Variants in MIR2052HG observed in about 807,000 individuals in gnomAD.
MIR2052HG encodes MIR2052 host gene.
intron 2 of MIR2052HG, among the ~76,000 whole-genome samples, chr8:74,636,809 A>AT (rs1424677041): frequency 6.6e-6 from 1 of 151,936 alleles, no homozygotes; most frequent in Non-Finnish European, 1.5e-5. Flanking sequence ...ATGTGTTAAC[A>AT]TGCTAGATAC....
intron 3 of MIR2052HG, chr8:74,703,598 T>C (rs1291543723): frequency 2.2e-6 from 1 of 450,120 alleles, no homozygotes; most frequent in South Asian, 1.6e-5. Context: ...TCTGCTATTG[T>C]TTTTCAGGTT....
chr8:74,656,202 T>C (rs971125235), intron 2 of MIR2052HG, among the ~76,000 whole-genome samples: 3 of 152,156 alleles, frequency 2.0e-5, no homozygotes, highest in Non-Finnish European at 2.9e-5. Flanking sequence ...GATGAGACTT[T>C]GGACTGTGGA....
At chr8:74,709,864 T>C (rs1269735893) in intron 4 of MIR2052HG, among the ~76,000 whole-genome samples, 1 of 152,180 alleles carries the variant, frequency 6.6e-6, no homozygotes, top group African/African-American at 2.4e-5. Flanking sequence ...GAACTTGTAT[T>C]TTTGTATGGA....
At chr8:74,738,129 G>GTATCTATCTATC (rs755697676) in intron 4 of MIR2052HG, among the ~76,000 whole-genome samples, 156 of 81,918 alleles carry the variant, frequency 1.9e-3, no homozygotes, top group African/African-American at 4.6e-3. Flanking sequence ...ATGTATGTAT[G>GTATCTATCTATC]TATGTATCTA....
chr8:74,680,386 T>A (rs1353820277), intron 2 of MIR2052HG, among the ~76,000 whole-genome samples: 1 of 151,652 alleles, frequency 6.6e-6, no homozygotes, highest in Non-Finnish European at 1.5e-5. Flanking sequence ...AACAACCCCA[T>A]CAAAAAGTGG....
chr8:74,606,198 G>A (rs1808109157), intron 1 of MIR2052HG, among the ~76,000 whole-genome samples: 1 of 152,204 alleles, frequency 6.6e-6, no homozygotes. Context: ...GAATTCCTGG[G>A]AACTGTGGAT....
chr8:74,636,260 G>T (rs1218560283), intron 2 of MIR2052HG, among the ~76,000 whole-genome samples: 1 of 152,134 alleles, frequency 6.6e-6, no homozygotes, highest in East Asian at 1.9e-4. Flanking sequence ...CTTGTTCCAA[G>T]TCCTGCTGGG....
chr8:74,668,552 CTACT>C (rs1808957015), intron 2 of MIR2052HG, among the ~76,000 whole-genome samples: 1 of 152,180 alleles, frequency 6.6e-6, no homozygotes, highest in Non-Finnish European at 1.5e-5. Flanking sequence ...TTTTCTATCC[CTACT>C]TTCTAAAGAT....
chr8:74,606,680 C>T (rs983449825), intron 1 of MIR2052HG, among the ~76,000 whole-genome samples: 8 of 151,998 alleles, frequency 5.3e-5, no homozygotes, highest in Admixed American at 1.3e-4. Context: ...GGGGCCTACC[C>T]GAGTGTAGAG....
chr8:74,708,744 A>C (rs1809435405), intron 4 of MIR2052HG, among the ~76,000 whole-genome samples: 1 of 151,718 alleles, frequency 6.6e-6, no homozygotes, highest in Non-Finnish European at 1.5e-5. Context: ...TGTAAAATAA[A>C]ATTTTAAAAT....
intron 4 of MIR2052HG, among the ~76,000 whole-genome samples, chr8:74,751,337 GTGTTTCT>G (rs1169320289): frequency 6.6e-6 from 1 of 152,160 alleles, no homozygotes; most frequent in Non-Finnish European, 1.5e-5. Flanking sequence ...ATGCTGCCTA[GTGTTTCT>G]TAACATGAGA....
intron 4 of MIR2052HG, among the ~76,000 whole-genome samples, chr8:74,710,739 C>T (rs1809459081): frequency 6.6e-6 from 1 of 152,078 alleles, no homozygotes; most frequent in African/African-American, 2.4e-5. Flanking sequence ...CATACAAAGT[C>T]CTGGGAGATG....
chr8:74,673,092 A>G (rs7016490), intron 2 of MIR2052HG, among the ~76,000 whole-genome samples: 36,846 of 151,998 alleles, frequency 0.24, 5,497 homozygotes, highest in East Asian at 0.65. Context: ...CAAAAAGAAA[A>G]AAAACATAGC....
At chr8:74,709,250 A>G (rs1002108012) in intron 4 of MIR2052HG, among the ~76,000 whole-genome samples, 1 of 152,140 alleles carries the variant, frequency 6.6e-6, no homozygotes, top group Non-Finnish European at 1.5e-5. Context: ...AGGCATTAGG[A>G]TGTGGCATAA....
intron 2 of MIR2052HG, among the ~76,000 whole-genome samples, chr8:74,674,514 T>G (rs899909156): frequency 3.3e-5 from 5 of 151,962 alleles, no homozygotes; most frequent in Non-Finnish European, 7.4e-5. Context: ...TACTAACAAG[T>G]TGGATCCTAA....
intron 1 of MIR2052HG, among the ~76,000 whole-genome samples, chr8:74,612,125 G>A (rs1233893432): frequency 2.0e-5 from 3 of 152,210 alleles, no homozygotes; most frequent in Non-Finnish European, 4.4e-5. Flanking sequence ...TTGGGCAAAA[G>A]TGCTGAAGGA....
chr8:74,731,108 AT>A, intron 4 of MIR2052HG, among the ~76,000 whole-genome samples: 1 of 152,310 alleles, frequency 6.6e-6, no homozygotes, highest in East Asian at 1.9e-4. Context: ...AGCCTCTGTC[AT>A]TGACTACTCC....
intron 4 of MIR2052HG, among the ~76,000 whole-genome samples, chr8:74,714,028 C>T (rs1047872289): frequency 3.9e-5 from 6 of 151,944 alleles, no homozygotes; most frequent in African/African-American, 1.5e-4. Context: ...TAGGAGATTC[C>T]GCAAGTGGAA....
chr8:74,757,343 A>T (rs1810015182), intron 5 of MIR2052HG: 1 of 152,150 alleles, frequency 6.6e-6, no homozygotes, highest in South Asian at 2.1e-4. Context: ...GCATCATGGG[A>T]GTTACTGCTG....
Sources: gnomAD v4.1 joint callset for allele counts (sites outside exome capture counted in the v4.1 genomes callset) on GRCh38, gnomAD v4.1.1 for gene constraint, MANE v1.5 for transcripts, NCBI Gene and HGNC (gene_info 2026-07-23, HGNC 2026-07-21) for gene names.